KIF1B: variants seen among roughly 807,000 people sequenced by gnomAD.
The protein encoded by KIF1B is kinesin family member 1B.
KIF1B carries 76 observed loss-of-function variants against 241.9 expected under a neutral mutation model. The ratio of observed to expected loss-of-function variants is 0.31; its 90% CI spans 0.26 to 0.38. KIF1B has a LOEUF of 0.38. Ranked by LOEUF, KIF1B falls within the 10% of genes least tolerant of loss-of-function variation. KIF1B has a pLI of 1.00. For missense variants in KIF1B, 1,622 were observed against 2,271.4 expected (o/e 0.71, Z 5.81); for synonymous variants, 750 against 796.7 (o/e 0.94, Z 0.99).
At chr1:10,220,722 G>A (rs1487588952) in intron 1 of KIF1B, among the ~76,000 whole-genome samples, 3 of 152,100 alleles carry the variant, frequency 2.0e-5, no homozygotes. Context: ...TAGCGCAATG[G>A]TATCATCTTG....
intron 5 of KIF1B, among the ~76,000 whole-genome samples, chr1:10,265,455 C>T (rs1006954291): frequency 2.6e-5 from 4 of 151,934 alleles, no homozygotes; most frequent in Admixed American, 6.6e-5. Context: ...AGGTTGGTCT[C>T]GAATTCCTGA....
intron 22 of KIF1B, among the ~76,000 whole-genome samples, chr1:10,315,806 A>AGC (rs1293483489): frequency 2.0e-5 from 3 of 151,296 alleles, no homozygotes; most frequent in Non-Finnish European, 4.4e-5. Context: ...CTCTAATCCC[A>AGC]GCGCTTTGGG....
intron 15 of KIF1B, among the ~76,000 whole-genome samples, chr1:10,288,618 A>G (rs1649829068): frequency 6.6e-6 from 1 of 151,996 alleles, no homozygotes; most frequent in Non-Finnish European, 1.5e-5. Flanking sequence ...AGTACCTCCT[A>G]CATGGCTGCC....
intron 22 of KIF1B, among the ~76,000 whole-genome samples, chr1:10,314,820 C>T (rs1289778276): frequency 6.6e-6 from 1 of 151,618 alleles, no homozygotes; most frequent in Non-Finnish European, 1.5e-5. Flanking sequence ...CATCCTCATA[C>T]CTTAACTGTC....
At chr1:10,268,700 CT>C (rs1484303149) in intron 7 of KIF1B, among the ~76,000 whole-genome samples, 1 of 149,602 alleles carries the variant, frequency 6.7e-6, no homozygotes, top group Admixed American at 6.7e-5. Flanking sequence ...TGTTTCATTC[CT>C]GGAAAATAAC....
At chr1:10,309,412 T>C (rs930492324) in intron 22 of KIF1B, among the ~76,000 whole-genome samples, 4 of 147,234 alleles carry the variant, frequency 2.7e-5, no homozygotes, top group African/African-American at 1.1e-4. Context: ...GACACTGTGC[T>C]GATGAGACTG....
Position 10,374,957 on chromosome 1 carries a change from A to G in KIF1B, c.5200A>G (p.Asn1734Asp). Reference sequence around the variant, plus strand: ...CCGTCGGCCTTATGTCTTCATCTATAACAGTGACAAAGACCCTGTGGAGCG... The same window carrying G: ...CCGTCGGCCTTATGTCTTCATCTATGACAGTGACAAAGACCCTGTGGAGCG... ...VVRRPYVFIY[N>D]SDKDPVERGI... Residue 1734 changes from asparagine (N) to aspartate (D), a missense_variant, in exon 47 of 49, where the codon AAC (asparagine) becomes GAC (aspartate). Asn to Asp is a conservative substitution (Grantham distance 23). This residue lies in a region of KIF1B where 357 missense variants were observed against 409.0 expected (regional missense o/e 0.87). Transcript: ENST00000676179. This position sits in a 1 kb window ranked among gnomAD's most constrained non-coding sequence, Gnocchi z 4.3. 2 of 1,614,088 alleles carry G rather than the reference A, an allele frequency of 1.2e-6. No individual in the cohort carries two copies. Among genetic ancestry groups the G allele is most frequent in the Non-Finnish European group, 1.7e-6 (2 of 1,179,976 alleles).
intron 22 of KIF1B, chr1:10,305,392 G>T: frequency 9.5e-7 from 1 of 1,053,594 alleles, no homozygotes; most frequent in Non-Finnish European, 1.1e-6. Flanking sequence ...GCATTTTGAA[G>T]TTCAATGTAT....
At chr1:10,302,251 CT>C (rs2102268172) in intron 22 of KIF1B, among the ~76,000 whole-genome samples, 1 of 152,024 alleles carries the variant, frequency 6.6e-6, no homozygotes, top group South Asian at 2.1e-4. Context: ...GAGGTGAGGT[CT>C]TTATTGATTT....
At chr1:10,305,440 A>G in intron 22 of KIF1B, 2 of 1,057,946 alleles carry the variant, frequency 1.9e-6, no homozygotes, top group South Asian at 4.6e-5. Flanking sequence ...ACTATTCACC[A>G]AAATCATGCC....
At chr1:10,316,564 G>C (rs546545576) in intron 22 of KIF1B, among the ~76,000 whole-genome samples, 1 of 150,908 alleles carries the variant, frequency 6.6e-6, no homozygotes. Context: ...ACAGTGGCAC[G>C]ATCTCGGCTC....
At chr1:10,238,600 G>C (rs1647089753) in intron 2 of KIF1B, among the ~76,000 whole-genome samples, 1 of 151,866 alleles carries the variant, frequency 6.6e-6, no homozygotes, top group Admixed American at 6.6e-5. Flanking sequence ...AGCTACTCCA[G>C]AGCTTGAGGT....
intron 5 of KIF1B, among the ~76,000 whole-genome samples, chr1:10,264,407 A>G (rs1047177320): frequency 2.6e-5 from 4 of 152,212 alleles, no homozygotes; most frequent in Non-Finnish European, 5.9e-5. Flanking sequence ...GGATTCACAT[A>G]TCAGAGCATA....
At chr1:10,370,593 T>TAATAATAAG (rs551427169) in intron 44 of KIF1B, among the ~76,000 whole-genome samples, 14 of 141,376 alleles carry the variant, frequency 9.9e-5, no homozygotes, top group African/African-American at 3.7e-4. Context: ...ATAATAATAA[T>TAATAATAAG]AAGAAGAAGA....
intron 15 of KIF1B, among the ~76,000 whole-genome samples, chr1:10,283,053 A>G (rs1368347386): frequency 6.6e-6 from 1 of 151,780 alleles, no homozygotes; most frequent in African/African-American, 2.4e-5. Context: ...TAAAAATACA[A>G]AAAATTAGCC....
intron 1 of KIF1B, among the ~76,000 whole-genome samples, chr1:10,225,103 C>T (rs1646893687): frequency 6.6e-6 from 1 of 152,190 alleles, no homozygotes; most frequent in South Asian, 2.1e-4. Context: ...CACCGCTCAC[C>T]TCCTGCTGTG....
chr1:10,345,977 TA>T (rs754298590), intron 35 of KIF1B, 24 bp downstream of exon 35: 1 of 1,443,592 alleles, frequency 6.9e-7, no homozygotes, highest in African/African-American at 1.4e-5. Context: ...AATAAATTTT[TA>T]AATAAGGCAA....
Position 10,323,802 on chromosome 1 carries a change from C to T in KIF1B, c.2359-82C>T. ...TTGTTGAGCACATTCGACCTCTTTCCCATTGGGTATGATTGTATCGTCTCA... is the reference window on the plus strand; with the variant it reads ...TTGTTGAGCACATTCGACCTCTTTCTCATTGGGTATGATTGTATCGTCTCA... On this transcript the variant is annotated intron_variant, in intron 24 of 48. Coordinates refer to ENST00000676179, the MANE Select transcript of KIF1B (RefSeq NM_001365951.3). 7 of 1,163,132 alleles carry T rather than the reference C, an allele frequency of 6.0e-6. No homozygotes were observed. In the South Asian group the frequency reaches 8.8e-5, roughly 15 times the overall value. The allele number at this position is 1,163,132 out of a possible 1,614,324, so 72.1% of individuals were successfully genotyped here. A position where few individuals can be genotyped will look rare whatever the true frequency, so the allele number is the denominator to read the frequency against.
At chr1:10,212,900 A>ATATTGTG (rs1646713597) in intron 1 of KIF1B, among the ~76,000 whole-genome samples, 1 of 84,932 alleles carries the variant, frequency 1.2e-5, no homozygotes, top group Non-Finnish European at 2.2e-5. Context: ...GTATATATAT[A>ATATTGTG]TATATATATA....
Sources: gnomAD v4.1 joint callset for allele counts (sites outside exome capture counted in the v4.1 genomes callset) on GRCh38, gnomAD v4.1.1 for gene constraint, gnomAD v4.1.1 regional missense constraint, Gnocchi (gnomAD v3.1) non-coding constraint, MANE v1.5 for transcripts, NCBI Gene and HGNC (gene_info 2026-07-23, HGNC 2026-07-21) for gene names.